CTNNA3: variants seen among roughly 807,000 people sequenced by gnomAD.
CTNNA3 encodes catenin alpha 3.
Under a neutral mutation model 95.7 loss-of-function variants are expected in CTNNA3, and 76 were observed. The observed-to-expected ratio is 0.79, with a 90% confidence interval of 0.66 to 0.96. CTNNA3 has a LOEUF of 0.96. Ranked by LOEUF, CTNNA3 falls within the 40% of genes least tolerant of loss-of-function variation. The pLI is 0.00. For missense variants in CTNNA3, 1,191 were observed against 1,089.8 expected (o/e 1.09, Z -1.31); for synonymous variants, 431 against 374.4 (o/e 1.15, Z -1.74).
At chr10:66,232,845 C>T (rs1589803426) in intron 13 of CTNNA3, among the ~76,000 whole-genome samples, 1 of 152,072 alleles carries the variant, frequency 6.6e-6, no homozygotes, top group East Asian at 1.9e-4. Context: ...TAACTTTTAC[C>T]TTCTGCAACA....
intron 10 of CTNNA3, among the ~76,000 whole-genome samples, chr10:66,551,531 T>C (rs1366909920): frequency 6.6e-6 from 1 of 152,152 alleles, no homozygotes. Flanking sequence ...AAGACCACTG[T>C]TTCCTCAACT....
intron 11 of CTNNA3, among the ~76,000 whole-genome samples, chr10:66,381,427 C>T (rs1285325050): frequency 6.6e-6 from 1 of 152,140 alleles, no homozygotes; most frequent in Non-Finnish European, 1.5e-5. Context: ...TAATTATTTA[C>T]TTTTAAAAAT....
At chr10:66,559,867 C>T (rs937107117) in intron 10 of CTNNA3, among the ~76,000 whole-genome samples, 1 of 152,062 alleles carries the variant, frequency 6.6e-6, no homozygotes, top group Non-Finnish European at 1.5e-5. Context: ...TAGTGTTTCT[C>T]TTATGCAATT....
At chr10:67,707,651 G>A (rs756916651) in intron 1 of CTNNA3, among the ~76,000 whole-genome samples, 9 of 152,182 alleles carry the variant, frequency 5.9e-5, no homozygotes, top group South Asian at 4.1e-4. Context: ...GGCAGTGTCC[G>A]TTAGTGTATG....
intron 13 of CTNNA3, among the ~76,000 whole-genome samples, chr10:66,151,107 T>C (rs1222642225): frequency 6.6e-6 from 1 of 152,000 alleles, no homozygotes; most frequent in Non-Finnish European, 1.5e-5. Flanking sequence ...AAGATGTCAA[T>C]AATTGGTTCA....
In CTNNA3 at chr10:67,003,257, A is replaced by T. The variant is rs1851784900; in HGVS notation, c.1047+177060T>A. Among the ~76,000 whole-genome samples the T allele has an allele frequency of 2.6e-5, 4 of 152,184 alleles. No homozygotes were observed. The South Asian group carries it at 8.3e-4, about 32-fold the overall frequency. On this transcript the variant is annotated intron_variant, in intron 7 of 17. Transcript: ENST00000433211. ...TGGGGAATAAACGAAATTAATGTCC[A>T]TGACTTCCTGACCATTTTGGCCAAT...
chr10:67,555,934 A>G (rs1330595525), intron 3 of CTNNA3, among the ~76,000 whole-genome samples: 1 of 152,142 alleles, frequency 6.6e-6, no homozygotes, highest in Non-Finnish European at 1.5e-5. Context: ...TCCAATGAAT[A>G]CCTAATTTAT....
chr10:67,176,807 G>T (rs955763400), intron 7 of CTNNA3: 1 of 399,470 alleles, frequency 2.5e-6, no homozygotes, highest in Non-Finnish European at 4.9e-6. Context: ...GAAACATGAC[G>T]TTGCTGGCTT....
chr10:66,722,153 T>G (rs922228181), intron 9 of CTNNA3, among the ~76,000 whole-genome samples: 1 of 151,618 alleles, frequency 6.6e-6, no homozygotes, highest in African/African-American at 2.4e-5. Context: ...CTGAGGCGGG[T>G]GGATCACGAG....
At chr10:66,346,585 A>G (rs894715781) in intron 12 of CTNNA3, among the ~76,000 whole-genome samples, 2 of 151,924 alleles carry the variant, frequency 1.3e-5, no homozygotes, top group African/African-American at 4.8e-5. Flanking sequence ...CCAAATAGTA[A>G]ATATATTCAT....
chr10:66,057,631 A>G (rs1461379135), intron 15 of CTNNA3, among the ~76,000 whole-genome samples: 1 of 152,156 alleles, frequency 6.6e-6, no homozygotes, highest in African/African-American at 2.4e-5. Flanking sequence ...AGTAAAATAA[A>G]TGGATTATTT....
intron 3 of CTNNA3, among the ~76,000 whole-genome samples, chr10:67,575,906 G>A (rs1343341363): frequency 6.6e-6 from 1 of 152,106 alleles, no homozygotes; most frequent in African/African-American, 2.4e-5. Context: ...AAAGAGCTCG[G>A]GGTGCCATTT....
chr10:66,730,953 T>C (rs1848940746), intron 9 of CTNNA3, among the ~76,000 whole-genome samples: 1 of 152,214 alleles, frequency 6.6e-6, no homozygotes, highest in Non-Finnish European at 1.5e-5. Flanking sequence ...CCTAGGAAAG[T>C]ACAAAGTGAT....
chr10:67,636,703 C>G (rs896746572), intron 2 of CTNNA3, among the ~76,000 whole-genome samples: 1 of 152,094 alleles, frequency 6.6e-6, no homozygotes. Context: ...ATTTGCTGTT[C>G]ACCAATATTC....
chr10:66,090,038 G>A (rs1212892317), intron 14 of CTNNA3, among the ~76,000 whole-genome samples: 5 of 151,710 alleles, frequency 3.3e-5, no homozygotes, highest in African/African-American at 7.3e-5. Context: ...TGCTACATTC[G>A]TGACTACATA....
chr10:66,716,923 C>T (rs1417514064), intron 9 of CTNNA3, among the ~76,000 whole-genome samples: 1 of 151,936 alleles, frequency 6.6e-6, no homozygotes, highest in South Asian at 2.1e-4. Flanking sequence ...AGGTATTTTA[C>T]AGACGTGGTG....
intron 5 of CTNNA3, among the ~76,000 whole-genome samples, chr10:67,275,179 C>A (rs1839139688): frequency 6.6e-6 from 1 of 152,126 alleles, no homozygotes; most frequent in Admixed American, 6.6e-5. Context: ...CACTTTTAAT[C>A]CTTGTAACAA....
At chr10:66,133,429 T>C (rs1271017175) in intron 13 of CTNNA3, among the ~76,000 whole-genome samples, 1 of 151,442 alleles carries the variant, frequency 6.6e-6, no homozygotes, top group Non-Finnish European at 1.5e-5. Context: ...ACATGAGAAT[T>C]GTTTGAATGG....
At chr10:66,985,131 T>A (rs1850654691) in intron 7 of CTNNA3, among the ~76,000 whole-genome samples, 1 of 152,192 alleles carries the variant, frequency 6.6e-6, no homozygotes, top group Non-Finnish European at 1.5e-5. Context: ...AAGACTAACA[T>A]TATCTAATAC....
Sources: allele counts gnomAD v4.1 joint callset (sites outside exome capture counted in the v4.1 genomes callset), GRCh38; gene constraint gnomAD v4.1.1; transcripts MANE v1.5; gene names NCBI Gene and HGNC (gene_info 2026-07-23, HGNC 2026-07-21).